Variants in PDCD6 observed in about 807,000 individuals in gnomAD.
PDCD6 encodes the protein programmed cell death protein 6.
Under a neutral mutation model 28.3 loss-of-function variants are expected in PDCD6, and 12 were observed. That is an observed-to-expected ratio of 0.42 (90% confidence interval 0.27 to 0.69). The LOEUF is 0.69. PDCD6 is among the 30% of genes least tolerant of loss of function. The probability of loss-of-function intolerance (pLI) is 0.22; values close to 1 mark genes in which losing one functional copy is unlikely to be tolerated. For missense variants in PDCD6, 226 were observed against 269.9 expected (o/e 0.84, Z 1.14); for synonymous variants, 92 against 108.0 (o/e 0.85, Z 0.92).
At chr5:287,420 ATGCATTCCTTTTTCTCTTACACAGTT>A (rs137972948) in intron 2 of PDCD6, among the ~76,000 whole-genome samples, 2,266 of 152,284 alleles carry the variant, frequency 0.015, 38 homozygotes, top group Middle Eastern at 0.034. Flanking sequence ...CTCGGGATCA[ATGCATTCCTTTTTCTCTTACACAGTT>A]TGGATTTGTT....
chr5:272,590 G>A lies in PDCD6; in HGVS notation c.102-121G>A, dbSNP rs1372158836. 10 of 1,257,608 alleles carry A rather than the reference G, an allele frequency of 8.0e-6. No individual in the cohort carries two copies. In the Admixed American group the frequency reaches 2.6e-4, roughly 33 times the overall value. The allele number at this position is 1,257,608 out of a possible 1,614,324, so 77.9% of individuals were successfully genotyped here. On this transcript the variant is annotated intron_variant, in intron 1 of 5. Transcript: ENST00000264933. ...ATTCCGCTGTACTCCTCAGCGGGAC[G>A]GGAGAGGCGGAGGTTCCAGGAGGGA... is the stretch of plus-strand genomic sequence containing the variant.
chr5:291,814 T>C (rs1433417146), intron 2 of PDCD6, among the ~76,000 whole-genome samples: 1 of 152,224 alleles, frequency 6.6e-6, no homozygotes, highest in East Asian at 1.9e-4. Context: ...GGATGAGTGT[T>C]TGGCCAGGTT....
chr5:277,309 T>G (rs1458586381), intron 2 of PDCD6, among the ~76,000 whole-genome samples: 2 of 146,978 alleles, frequency 1.4e-5, no homozygotes, highest in Admixed American at 1.4e-4. Context: ...GTATTTTTTT[T>G]TTTTTTTTTT....
At position 314,567 on chromosome 5, in the gene PDCD6, A is replaced by C; in HGVS notation, c.*52A>C. 2 of 1,282,982 alleles carry C rather than the reference A, an allele frequency of 1.6e-6. No homozygotes were observed. Among genetic ancestry groups the C allele is most frequent in the Non-Finnish European group, 2.3e-6 (2 of 880,176 alleles). The allele number at this position is 1,282,982 out of a possible 1,614,324, so 79.5% of individuals were successfully genotyped here. On this transcript the variant is annotated 3_prime_UTR_variant, in exon 6 of 6. Transcript: ENST00000264933. ...AACATGGAAAGAGCCAAAATGTCACAGTTCCTATCTGTGAGGGAATGGAGC... is the reference window on the plus strand; with the variant it reads ...AACATGGAAAGAGCCAAAATGTCACCGTTCCTATCTGTGAGGGAATGGAGC...
chr5:273,441 A>G (rs1274124320), intron 2 of PDCD6: 2 of 152,570 alleles, frequency 1.3e-5, no homozygotes, highest in Admixed American at 6.5e-5. Context: ...CATTGGACAC[A>G]TTTTACTTCA....
chr5:274,378 G>A (rs1579471957), intron 2 of PDCD6, among the ~76,000 whole-genome samples: 1 of 152,196 alleles, frequency 6.6e-6, no homozygotes, highest in African/African-American at 2.4e-5. Flanking sequence ...GCATTAGTAT[G>A]GTAGCCTGCC....
intron 2 of PDCD6, among the ~76,000 whole-genome samples, chr5:275,066 G>T (rs1430207716): frequency 1.3e-5 from 2 of 151,888 alleles, no homozygotes; most frequent in African/African-American, 2.4e-5. Context: ...AGCTTCCTCT[G>T]CCTTTCATCT....
At chr5:313,477 C>A (rs1475421742) in intron 5 of PDCD6, among the ~76,000 whole-genome samples, 1 of 149,978 alleles carries the variant, frequency 6.7e-6, no homozygotes, top group African/African-American at 2.4e-5. Flanking sequence ...GTTTTTTTTT[C>A]TTTGAGATGG....
intron 2 of PDCD6, among the ~76,000 whole-genome samples, chr5:285,698 G>A (rs1263892254): frequency 6.6e-6 from 1 of 152,168 alleles, no homozygotes; most frequent in Non-Finnish European, 1.5e-5. Flanking sequence ...TGCAGCTGGC[G>A]ACCCGGGGGC....
At chr5:301,584 C>G (rs62329992) in intron 2 of PDCD6, among the ~76,000 whole-genome samples, 15,570 of 152,234 alleles carry the variant, frequency 0.1, 905 homozygotes, top group Admixed American at 0.15. Context: ...AGATGCTCGT[C>G]GAGTGCTGCT....
chr5:314,253 C>G (rs555365752), intron 5 of PDCD6, among the ~76,000 whole-genome samples, 164 bp from the exon 6 acceptor site: 76 of 152,308 alleles, frequency 5.0e-4, no homozygotes, highest in Admixed American at 1.8e-3. Context: ...TCCCACCGTC[C>G]GTGTGAACAG....
At chr5:297,039 T>G (rs1485849687) in intron 2 of PDCD6, among the ~76,000 whole-genome samples, 1 of 152,048 alleles carries the variant, frequency 6.6e-6, no homozygotes, top group Admixed American at 6.5e-5. Flanking sequence ...GAGGGTGGAG[T>G]GTCTGGTGCT....
chr5:273,672 C>G (rs576987840), intron 2 of PDCD6, among the ~76,000 whole-genome samples: 1 of 148,870 alleles, frequency 6.7e-6, no homozygotes, highest in Non-Finnish European at 1.5e-5. Flanking sequence ...CTGCTAGACA[C>G]TGCCTCACTG....
intron 2 of PDCD6, among the ~76,000 whole-genome samples, chr5:295,068 C>T (rs1236315750): frequency 6.6e-6 from 1 of 152,120 alleles, no homozygotes; most frequent in African/African-American, 2.4e-5. Flanking sequence ...AGCACCTGCA[C>T]CTCACTGTGG....
chr5:280,580 G>T lies in PDCD6; in HGVS notation c.163+7808G>T, dbSNP rs1194335585. Among the ~76,000 whole-genome samples the T allele has an allele frequency of 2.7e-5, 4 of 145,870 alleles. No individual in the cohort carries two copies. In the East Asian group the frequency reaches 8.5e-4, roughly 31 times the overall value. ...ATAAGCCAGGGCAGAGGGGTGGGGA[G>T]GGCTGGGCCAGGCACCAGAGTGGAG... On this transcript the variant is annotated intron_variant, in intron 2 of 5. Coordinates refer to ENST00000264933, the MANE Select transcript of PDCD6 (RefSeq NM_013232.4).
In PDCD6 at chr5:293,016, C is replaced by G. The variant is rs372596428; in HGVS notation, c.164-11161C>G. On this transcript the variant is annotated intron_variant, in intron 2 of 5. Coordinates refer to ENST00000264933, the MANE Select transcript of PDCD6 (RefSeq NM_013232.4). ...CCTGGGCTTCTCATTGGTGGCATTT[C>G]TCAAGTTTGTCCCCTCTCAAGTCTG... Among the ~76,000 whole-genome samples the G allele has an allele frequency of 5.6e-4, 85 of 152,316 alleles. 4 individuals carry two copies. The South Asian group carries it at 0.017, about 31-fold the overall frequency.
chr5:298,658 T>C (rs868532836), intron 2 of PDCD6, among the ~76,000 whole-genome samples: 11 of 23,404 alleles, frequency 4.7e-4, no homozygotes, highest in African/African-American at 1.5e-3. Flanking sequence ...CTGCTCCCAC[T>C]CAGCTGCTCC....
intron 5 of PDCD6, chr5:312,038 C>G (rs1293859242): frequency 1.3e-5 from 2 of 154,146 alleles, no homozygotes; most frequent in Non-Finnish European, 2.9e-5. Flanking sequence ...GGCACGTTTT[C>G]TGTTGTGGTC....
At chr5:299,654 A>G (rs1459268415) in intron 2 of PDCD6, among the ~76,000 whole-genome samples, 2 of 151,342 alleles carry the variant, frequency 1.3e-5, no homozygotes, top group Admixed American at 6.6e-5. Context: ...GGTTCACGCC[A>G]TTCTCCTGCC....
Sources: allele counts gnomAD v4.1 joint callset (sites outside exome capture counted in the v4.1 genomes callset), GRCh38; gene constraint gnomAD v4.1.1; transcripts MANE v1.5; gene names NCBI Gene and HGNC (gene_info 2026-07-23, HGNC 2026-07-21).